Variants in SND1 observed in about 807,000 individuals in gnomAD.
SND1 encodes staphylococcal nuclease domain-containing protein 1.
Under a neutral mutation model 121.7 loss-of-function variants are expected in SND1, and 38 were observed. That is an observed-to-expected ratio of 0.31 (90% CI 0.24 to 0.41). The LOEUF is 0.41. SND1 is among the 10% of genes least tolerant of loss of function. SND1 has a pLI of 1.00. For synonymous variants in SND1, 401 were observed against 447.4 expected, an observed-to-expected ratio of 0.90 and a Z score of 1.31; for missense variants, 868 against 1,184.6, an observed-to-expected ratio of 0.73 and a Z score of 3.92.
chr7:127,668,715 TCA>T (rs1246061821), intron 1 of SND1, among the ~76,000 whole-genome samples: 2 of 152,166 alleles, frequency 1.3e-5, no homozygotes, highest in African/African-American at 4.8e-5. Flanking sequence ...TGTACTGCAC[TCA>T]CAGCTGCTTT....
chr7:127,723,775 A>G (rs1562991456), intron 10 of SND1, among the ~76,000 whole-genome samples: 1 of 152,256 alleles, frequency 6.6e-6, no homozygotes, highest in Admixed American at 6.5e-5. Flanking sequence ...TGTGAGCTCT[A>G]TTTGTTATTT....
At chr7:127,746,445 A>G (rs185691997) in intron 10 of SND1, among the ~76,000 whole-genome samples, 135 of 152,280 alleles carry the variant, frequency 8.9e-4, no homozygotes, top group African/African-American at 3.1e-3. Flanking sequence ...CTCAAACTCC[A>G]GGGATTATGA....
chr7:127,865,494 C>A (rs1799452222), intron 12 of SND1, among the ~76,000 whole-genome samples: 1 of 152,188 alleles, frequency 6.6e-6, no homozygotes, highest in South Asian at 2.1e-4. Flanking sequence ...CATACCTTAT[C>A]TTTGGTACAA....
intron 11 of SND1, among the ~76,000 whole-genome samples, chr7:127,808,163 CT>C (rs11418632): frequency 0.051 from 6,354 of 125,476 alleles, 360 homozygotes; most frequent in African/African-American, 0.16. Flanking sequence ...TTGATGGCTT[CT>C]TTTTTTTTTT....
chr7:128,081,871 C>CT (rs1182918656), intron 18 of SND1: 2 of 541,066 alleles, frequency 3.7e-6, no homozygotes, highest in Non-Finnish European at 7.6e-6. Flanking sequence ...CCCCCAGAAT[C>CT]TGTCAGGCAC....
intron 14 of SND1, among the ~76,000 whole-genome samples, chr7:127,926,089 C>G (rs1298843083): frequency 6.6e-6 from 1 of 151,884 alleles, no homozygotes; most frequent in Non-Finnish European, 1.5e-5. Flanking sequence ...AAATAATTTC[C>G]ATAACTAAAT....
chr7:127,781,990 A>G (rs949735446), intron 10 of SND1, among the ~76,000 whole-genome samples: 4 of 152,222 alleles, frequency 2.6e-5, no homozygotes, highest in African/African-American at 7.2e-5. Context: ...CTTGGGTTAT[A>G]TACAATTAAT....
At chr7:127,745,690 T>G (rs987297212) in intron 10 of SND1, among the ~76,000 whole-genome samples, 1 of 152,182 alleles carries the variant, frequency 6.6e-6, no homozygotes, top group Non-Finnish European at 1.5e-5. Flanking sequence ...AGCTTCCTGC[T>G]CTTTTGCTAA....
intron 1 of SND1, among the ~76,000 whole-genome samples, chr7:127,666,276 T>G (rs1795417219): frequency 6.6e-6 from 1 of 152,244 alleles, no homozygotes; most frequent in African/African-American, 2.4e-5. Flanking sequence ...TAGCCCGGAC[T>G]GCTTGGTTTC....
At chr7:127,824,674 TGCACATATATGA>T (rs1415225390) in intron 11 of SND1, among the ~76,000 whole-genome samples, 9 of 152,222 alleles carry the variant, frequency 5.9e-5, no homozygotes, top group African/African-American at 2.2e-4. Flanking sequence ...CTTTAATGTT[TGCACATATATGA>T]GACTCCTCAT....
chr7:127,845,500 A>C (rs1799041971), intron 12 of SND1, among the ~76,000 whole-genome samples: 1 of 152,240 alleles, frequency 6.6e-6, no homozygotes, highest in African/African-American at 2.4e-5. Context: ...CAAATCAAGT[A>C]ATATTTTTGA....
rs768420139 is a variant in SND1, at chr7:127,652,437, G to A, written c.64G>A (p.Gly22Ser). 1.9e-6 allele frequency: 3 copies of A among 1,584,166 alleles called. No individual in the cohort carries two copies. Among genetic ancestry groups the A allele is most frequent in the African/African-American group, 1.3e-5 (1 of 74,738 alleles). The change falls in exon 1 of 24, where the codon GGC (glycine) becomes AGC (serine). Residue 22 changes from glycine to serine, a missense_variant. Gly to Ser is a moderately conservative substitution (Grantham distance 56, BLOSUM62 0). Coordinates refer to ENST00000354725, the MANE Select transcript of SND1 (RefSeq NM_014390.4). ...ACCCGCGGTCCCCACCGTGCAGCGGGGCATCATCAAGATGGTGAGAACGGG... is the reference window on the plus strand; with the variant it reads ...ACCCGCGGTCCCCACCGTGCAGCGGAGCATCATCAAGATGGTGAGAACGGG... ...GGPAVPTVQRGIIKMVLSGCA... is the reference protein window; with the variant it reads ...GGPAVPTVQRSIIKMVLSGCA...
At chr7:128,070,097 G>T (rs982354903) in intron 16 of SND1, among the ~76,000 whole-genome samples, 7 of 152,214 alleles carry the variant, frequency 4.6e-5, no homozygotes, top group Non-Finnish European at 8.8e-5. Flanking sequence ...AGACTGCAAT[G>T]GCTGTCAACA....
chr7:128,071,127 G>A (rs561801368), intron 16 of SND1, among the ~76,000 whole-genome samples: 20 of 152,314 alleles, frequency 1.3e-4, no homozygotes, highest in African/African-American at 4.8e-4. Flanking sequence ...GTTCCTGAGT[G>A]CAGAAATACT....
intron 10 of SND1, among the ~76,000 whole-genome samples, chr7:127,777,820 G>A (rs770531895): frequency 2.6e-5 from 4 of 152,136 alleles, no homozygotes; most frequent in East Asian, 3.9e-4. Flanking sequence ...GGAATTACAG[G>A]CCTGCGCCAC....
chr7:127,837,873 A>G (rs553072486), intron 11 of SND1, among the ~76,000 whole-genome samples: 1 of 152,300 alleles, frequency 6.6e-6, no homozygotes, highest in Non-Finnish European at 1.5e-5. Flanking sequence ...CTCGAACATA[A>G]ATTTAATTTT....
chr7:127,925,759 A>G (rs577743922), intron 14 of SND1, among the ~76,000 whole-genome samples: 2 of 151,992 alleles, frequency 1.3e-5, no homozygotes, highest in Admixed American at 1.3e-4. Flanking sequence ...ACACCCTGCT[A>G]TACCCAACTA....
intron 14 of SND1, among the ~76,000 whole-genome samples, chr7:127,920,137 T>G (rs913731807): frequency 1.3e-5 from 2 of 152,220 alleles, no homozygotes; most frequent in Admixed American, 6.5e-5. Context: ...GTTTGTCTGT[T>G]GATTCAACAT....
At chr7:127,922,076 G>A (rs997667870) in intron 14 of SND1, among the ~76,000 whole-genome samples, 2 of 150,466 alleles carry the variant, frequency 1.3e-5, no homozygotes, top group East Asian at 3.9e-4. Flanking sequence ...CTGTAGCCTC[G>A]ACCTCCCAGG....
Sources: gnomAD v4.1 joint callset for allele counts (sites outside exome capture counted in the v4.1 genomes callset) on GRCh38, gnomAD v4.1.1 for gene constraint, MANE v1.5 for transcripts, NCBI Gene and HGNC (gene_info 2026-07-23, HGNC 2026-07-21) for gene names.